Variants in UNC5D observed in about 807,000 individuals in gnomAD.
UNC5D encodes the protein netrin receptor UNC5D.
A neutral mutation model predicts 105.4 loss-of-function variants in UNC5D; 39 were observed. The observed-to-expected ratio is 0.37, with a 90% CI of 0.29 to 0.48. The LOEUF (loss-of-function observed/expected upper bound fraction) is 0.48, where lower values mean the gene tolerates loss of function less well. UNC5D is among the 20% of genes least tolerant of loss of function. The pLI is 0.98. For synonymous variants in UNC5D, 452 were observed against 450.4 expected (o/e 1.00, Z -0.04); for missense variants, 991 against 1,202.4 (o/e 0.82, Z 2.60).
intron 4 of UNC5D, among the ~76,000 whole-genome samples, chr8:35,658,191 T>C (rs962377276): frequency 3.3e-5 from 5 of 152,198 alleles, no homozygotes; most frequent in African/African-American, 1.2e-4. Context: ...TGTTACAAAA[T>C]AGAGAAACAG....
At position 35,793,506 on chromosome 8, in the gene UNC5D, C is replaced by G. The variant is rs1263701781; in HGVS notation, c.*2943C>G. The G allele has an allele frequency of 6.2e-6, 1 of 160,300 alleles. No individual in the cohort carries two copies. Among genetic ancestry groups the G allele is most frequent in the East Asian group, 1.9e-4 (1 of 5,394 alleles). 9.9% of individuals were successfully genotyped at this position (160,300 alleles called of 1,614,324 possible). On this transcript the variant is annotated 3_prime_UTR_variant, in exon 17 of 17. Coordinates refer to ENST00000404895, the MANE Select transcript of UNC5D (RefSeq NM_080872.4). Reference sequence around the variant, plus strand: ...CTTGGTAAGTTACTTAAAATTTTTACAAAAATATCCCACTCAATGCCAAAT... The same window carrying G: ...CTTGGTAAGTTACTTAAAATTTTTAGAAAAATATCCCACTCAATGCCAAAT...
chr8:35,246,347 T>C (rs1472507059), intron 1 of UNC5D, among the ~76,000 whole-genome samples: 2 of 152,198 alleles, frequency 1.3e-5, no homozygotes, highest in African/African-American at 4.8e-5. Flanking sequence ...GACTTCATAA[T>C]GACGTTGGTA....
At chr8:35,510,632 A>G (rs1209105074) in intron 1 of UNC5D, among the ~76,000 whole-genome samples, 1 of 152,158 alleles carries the variant, frequency 6.6e-6, no homozygotes, top group Non-Finnish European at 1.5e-5. Context: ...CTCAGGATGC[A>G]CTGGGAAGCT....
chr8:35,274,799 C>T (rs1313263039), intron 1 of UNC5D, among the ~76,000 whole-genome samples: 1 of 152,122 alleles, frequency 6.6e-6, no homozygotes, highest in African/African-American at 2.4e-5. Flanking sequence ...TTAATATATG[C>T]ATAAAATATT....
intron 1 of UNC5D, among the ~76,000 whole-genome samples, chr8:35,244,113 G>T (rs1490956967): frequency 6.6e-6 from 1 of 152,100 alleles, no homozygotes; most frequent in African/African-American, 2.4e-5. Context: ...ATTTTTAGGG[G>T]ACTCACTTAA....
chr8:35,430,162 A>G (rs183178011), intron 1 of UNC5D, among the ~76,000 whole-genome samples: 6 of 152,110 alleles, frequency 3.9e-5, no homozygotes, highest in African/African-American at 1.2e-4. Flanking sequence ...AGCCTGCTCA[A>G]CCTCCAAGGA....
At chr8:35,789,171 A>ATG (rs1802904919) in intron 16 of UNC5D, among the ~76,000 whole-genome samples, 1 of 92,108 alleles carries the variant, frequency 1.1e-5, no homozygotes, top group African/African-American at 4.9e-5. Context: ...ATATATATAT[A>ATG]TATATATATA....
intron 1 of UNC5D, among the ~76,000 whole-genome samples, chr8:35,400,781 T>G (rs540791732): frequency 6.6e-6 from 1 of 152,292 alleles, no homozygotes; most frequent in African/African-American, 2.4e-5. Flanking sequence ...CCCCTCTCAT[T>G]CAGCTCCACT....
intron 3 of UNC5D, among the ~76,000 whole-genome samples, chr8:35,589,650 C>T (rs1336703828): frequency 2.0e-5 from 3 of 152,120 alleles, no homozygotes; most frequent in African/African-American, 4.8e-5. Flanking sequence ...CTGTCCTTCC[C>T]CATACTCCTT....
intron 4 of UNC5D, among the ~76,000 whole-genome samples, chr8:35,623,043 A>T (rs1349553705): frequency 6.6e-6 from 1 of 152,208 alleles, no homozygotes; most frequent in Non-Finnish European, 1.5e-5. Flanking sequence ...GCTCTGTACC[A>T]GTCAAGGTGG....
At chr8:35,658,440 C>T (rs1823903001) in intron 4 of UNC5D, among the ~76,000 whole-genome samples, 1 of 152,132 alleles carries the variant, frequency 6.6e-6, no homozygotes, top group Non-Finnish European at 1.5e-5. Context: ...TCTTTTCCAT[C>T]CCATTTAAGA....
intron 1 of UNC5D, among the ~76,000 whole-genome samples, chr8:35,333,713 C>T (rs2128895566): frequency 6.6e-6 from 1 of 152,258 alleles, no homozygotes; most frequent in East Asian, 1.9e-4. Context: ...CTCCTGACCT[C>T]AGGTGATCCA....
intron 8 of UNC5D, among the ~76,000 whole-genome samples, chr8:35,716,054 A>G (rs988109659): frequency 6.6e-6 from 1 of 152,168 alleles, no homozygotes; most frequent in Non-Finnish European, 1.5e-5. Flanking sequence ...TGATGATGCC[A>G]GTGCTATAGT....
intron 3 of UNC5D, among the ~76,000 whole-genome samples, chr8:35,584,110 T>C (rs1463682281): frequency 7.2e-5 from 11 of 152,140 alleles, no homozygotes; most frequent in African/African-American, 2.4e-4. Context: ...GTGATTATTG[T>C]CTTGTAGATT....
intron 1 of UNC5D, among the ~76,000 whole-genome samples, chr8:35,302,341 A>G: frequency 6.6e-6 from 1 of 152,322 alleles, no homozygotes; most frequent in Non-Finnish European, 1.5e-5. Flanking sequence ...CTCCCTTGTT[A>G]TAAAAGGAGA....
At chr8:35,701,913 T>C (rs1422097930) in intron 7 of UNC5D, among the ~76,000 whole-genome samples, 1 of 148,416 alleles carries the variant, frequency 6.7e-6, no homozygotes, top group African/African-American at 2.4e-5. Flanking sequence ...TTATATACAA[T>C]ATATAATATA....
intron 4 of UNC5D, among the ~76,000 whole-genome samples, chr8:35,611,010 C>CAAAAAAAAAAAAAAAAAAA (rs11314770): frequency 1.7e-5 from 1 of 60,096 alleles, no homozygotes; most frequent in Non-Finnish European, 3.1e-5. Flanking sequence ...GACAAAGAAG[C>CAAAAAAAAAAAAAAAAAAA]AAAAAAAAAA....
At chr8:35,644,506 T>A (rs1411742249) in intron 4 of UNC5D, among the ~76,000 whole-genome samples, 2 of 152,146 alleles carry the variant, frequency 1.3e-5, no homozygotes, top group Non-Finnish European at 2.9e-5. Context: ...AGTCCCAGAA[T>A]GAAAAGCTTC....
chr8:35,400,115 C>A (rs974069835), intron 1 of UNC5D, among the ~76,000 whole-genome samples: 11 of 152,216 alleles, frequency 7.2e-5, no homozygotes, highest in African/African-American at 2.6e-4. Context: ...CTGGGGCATT[C>A]ATGACATTAT....
Sources: allele counts gnomAD v4.1 joint callset (sites outside exome capture counted in the v4.1 genomes callset), GRCh38; gene constraint gnomAD v4.1.1; transcripts MANE v1.5; gene names NCBI Gene and HGNC (gene_info 2026-07-23, HGNC 2026-07-21).